MGAT5: variants seen among roughly 807,000 people sequenced by gnomAD.
MGAT5 encodes the protein alpha-1,6-mannosylglycoprotein 6-beta-N-acetylglucosaminyltransferase A.
MGAT5 carries 30 observed loss-of-function variants against 94.3 expected under a neutral mutation model. That is an observed-to-expected ratio of 0.32 (90% CI 0.24 to 0.43). The LOEUF (loss-of-function observed/expected upper bound fraction) is 0.43. MGAT5 is among the 20% of genes least tolerant of loss of function. The pLI is 1.00. For missense variants in MGAT5, 691 were observed against 905.5 expected (o/e 0.76, Z 3.04); for synonymous variants, 310 against 322.9 (o/e 0.96, Z 0.43).
At chr2:134,429,553 G>T (rs192562199) in intron 14 of MGAT5, among the ~76,000 whole-genome samples, 1 of 152,192 alleles carries the variant, frequency 6.6e-6, no homozygotes, top group South Asian at 2.1e-4. Context: ...GGCCTACTTC[G>T]TAGGGCTGAT....
chr2:134,424,992 C>T (rs1284566052), intron 13 of MGAT5, among the ~76,000 whole-genome samples: 1 of 152,284 alleles, frequency 6.6e-6, no homozygotes, highest in Middle Eastern at 3.4e-3. Context: ...ATCACATTCA[C>T]GGGTGCTGGG....
At chr2:134,353,070 A>C (rs750460385) in intron 9 of MGAT5, among the ~76,000 whole-genome samples, 1 of 152,176 alleles carries the variant, frequency 6.6e-6, no homozygotes, top group Non-Finnish European at 1.5e-5. Flanking sequence ...TTTAATGGCT[A>C]TGGGGTTTCA....
At chr2:134,195,845 A>G (rs1424261054) in intron 1 of MGAT5, among the ~76,000 whole-genome samples, 29 of 152,314 alleles carry the variant, frequency 1.9e-4, no homozygotes. Flanking sequence ...TAAGAAATGG[A>G]CTTTATTCTG....
At chr2:134,251,795 TAC>T (rs1201386990), upstream of MGAT5, among the ~76,000 whole-genome samples, 1 of 152,200 alleles carries the variant, frequency 6.6e-6, no homozygotes, top group Admixed American at 6.5e-5. Context: ...TTTAGAAATA[TAC>T]GTTATTATTA....
intron 1 of MGAT5, among the ~76,000 whole-genome samples, chr2:134,178,204 T>A (rs1244286482): frequency 6.6e-6 from 1 of 152,216 alleles, no homozygotes; most frequent in Non-Finnish European, 1.5e-5. Flanking sequence ...AAAAATTGCT[T>A]CTAGAGCCAG....
At chr2:134,377,994 C>T (rs563490909) in intron 10 of MGAT5, among the ~76,000 whole-genome samples, 5 of 152,180 alleles carry the variant, frequency 3.3e-5, no homozygotes, top group South Asian at 2.1e-4. Flanking sequence ...CTTAGAAGGC[C>T]TTCAAACACG....
intron 1 of MGAT5, among the ~76,000 whole-genome samples, chr2:134,241,313 A>G (rs748787746): frequency 1.3e-5 from 2 of 152,236 alleles, no homozygotes; most frequent in Non-Finnish European, 2.9e-5. Flanking sequence ...AATGGGGTGA[A>G]CATTCTGCCG....
At chr2:134,300,587 TTAAGTC>T (rs1161192787) in intron 2 of MGAT5, among the ~76,000 whole-genome samples, 3 of 152,088 alleles carry the variant, frequency 2.0e-5, no homozygotes, top group African/African-American at 4.8e-5. Context: ...CAGTTTGTAC[TTAAGTC>T]CAAGATTACA....
intron 1 of MGAT5, among the ~76,000 whole-genome samples, chr2:134,230,559 C>G (rs1681307260): frequency 6.6e-6 from 1 of 152,198 alleles, no homozygotes; most frequent in Non-Finnish European, 1.5e-5. Context: ...TTACCCTAAT[C>G]TGCTCTTTAT....
rs910753080 is a variant in MGAT5, at chr2:134,270,342, T to C, written c.242-44T>C. 10 of 1,580,366 alleles carry C rather than the reference T, an allele frequency of 6.3e-6. No homozygotes were observed. In the East Asian group the frequency reaches 2.2e-4, roughly 35 times the overall value. On this transcript the variant is annotated intron_variant, in intron 1 of 15. Coordinates refer to ENST00000281923, the MANE Select transcript of MGAT5 (RefSeq NM_002410.5). The stretch of plus-strand genomic sequence containing the variant: ...AGAGAGAGCAAGCCAGACAGATATG[T>C]AGAGGCCATAGAATTTTAAAATTGT...
intron 1 of MGAT5, among the ~76,000 whole-genome samples, chr2:134,230,597 G>A (rs1027908331): frequency 6.6e-6 from 1 of 152,112 alleles, no homozygotes; most frequent in Non-Finnish European, 1.5e-5. Context: ...ACATCACTAT[G>A]TACCCCTTGA....
intron 1 of MGAT5, among the ~76,000 whole-genome samples, chr2:134,163,936 A>C (rs1687853358): frequency 6.6e-6 from 1 of 152,222 alleles, no homozygotes; most frequent in Non-Finnish European, 1.5e-5. Context: ...TGCGGAATTC[A>C]GTTTTAGTGG....
chr2:134,283,828 C>T (rs981815672), intron 2 of MGAT5, among the ~76,000 whole-genome samples: 5 of 151,684 alleles, frequency 3.3e-5, no homozygotes, highest in South Asian at 2.1e-4. Flanking sequence ...TTCCCCCGGC[C>T]GCTGGGTTCT....
chr2:134,161,082 G>A (rs370330496), intron 1 of MGAT5, among the ~76,000 whole-genome samples: 5 of 152,350 alleles, frequency 3.3e-5, no homozygotes, highest in Admixed American at 2.6e-4. Context: ...TTGGAGACAG[G>A]GAGGCCACCT....
Position 134,387,324 on chromosome 2 carries a change from ATATATATAT to A in MGAT5, c.1381-15662_1381-15654del, listed in dbSNP as rs1475578173. Among the ~76,000 whole-genome samples the A allele has an allele frequency of 3.8e-3, 155 of 41,132 alleles. 2 individuals are homozygous for A. The East Asian group carries it at 0.044, about 12-fold the overall frequency. The allele number at this position is 41,132 out of a possible 152,430, so 27.0% of individuals were successfully genotyped here. A position where few individuals can be genotyped will look rare whatever the true frequency, so the allele number is the denominator to read the frequency against. Reference sequence around the variant, plus strand: ...ATGATATATATATATATATATATATATATATATATTTTTTTTTTTTTTTTTTTTTACCAA... The same window carrying A: ...ATGATATATATATATATATATATATATTTTTTTTTTTTTTTTTTTTACCAA... On this transcript the variant is annotated intron_variant, in intron 10 of 15. Transcript: ENST00000281923.
chr2:134,237,455 G>C (rs1005017413), intron 1 of MGAT5, among the ~76,000 whole-genome samples: 2 of 152,130 alleles, frequency 1.3e-5, no homozygotes, highest in Admixed American at 6.5e-5. Context: ...AAGCAGTACT[G>C]GGGGAGGAGG....
Position 134,317,566 on chromosome 2 carries a change from T to G in MGAT5, c.444T>G (p.Pro148=). 6.4e-7 allele frequency: 1 copy of G among 1,570,594 alleles called. No homozygotes were observed. Among genetic ancestry groups the G allele is most frequent in the Non-Finnish European group, 8.6e-7 (1 of 1,160,100 alleles). Residue 148 remains proline, a synonymous_variant, in exon 3 of 16, where the codon CCT becomes CCG. Transcript: ENST00000281923. ...GAGCTCAAGAAAAATGTGTATTGCC[T>G]CCTATGGACGGCTACCCTCACTGTG... ...INGAQEKCVL[P]PMDGYPHCEG...
chr2:134,283,647 T>C (rs1345599697), intron 2 of MGAT5, among the ~76,000 whole-genome samples: 1 of 62,722 alleles, frequency 1.6e-5, no homozygotes, highest in Admixed American at 1.6e-4. Flanking sequence ...TGTAGTATCT[T>C]TTTTTTTTTT....
intron 1 of MGAT5, among the ~76,000 whole-genome samples, chr2:134,126,824 T>A (rs185323781): frequency 1.4e-4 from 22 of 152,156 alleles, no homozygotes; most frequent in African/African-American, 5.1e-4. Flanking sequence ...TGTCTACACA[T>A]TCAGTGTGTA....
Sources: gnomAD v4.1 joint callset for allele counts (sites outside exome capture counted in the v4.1 genomes callset) on GRCh38, gnomAD v4.1.1 for gene constraint, MANE v1.5 for transcripts, NCBI Gene and HGNC (gene_info 2026-07-23, HGNC 2026-07-21) for gene names.